USP15: variants seen among roughly 807,000 people sequenced by gnomAD.
The protein encoded by USP15 is ubiquitin carboxyl-terminal hydrolase 15.
USP15 carries 18 observed loss-of-function variants against 127.1 expected under a neutral mutation model. The ratio of observed to expected loss-of-function variants is 0.14; its 90% CI spans 0.10 to 0.21. The LOEUF (loss-of-function observed/expected upper bound fraction) is 0.21. Among genes scored for constraint, USP15 ranks in the 10% least tolerant of loss-of-function variants. The pLI is 1.00. For missense variants in USP15, 805 were observed against 1,159.9 expected, an observed-to-expected ratio of 0.69 and a Z score of 4.44; for synonymous variants, 364 against 393.7, an observed-to-expected ratio of 0.92 and a Z score of 0.89.
intron 6 of USP15, among the ~76,000 whole-genome samples, chr12:62,333,596 T>C (rs1419784832): frequency 6.6e-6 from 1 of 152,164 alleles, no homozygotes; most frequent in Non-Finnish European, 1.5e-5. Context: ...CCAGCTGTTA[T>C]CTTTTTAAAA....
At chr12:62,364,773 C>T (rs986199843) in intron 8 of USP15, among the ~76,000 whole-genome samples, 1 of 151,964 alleles carries the variant, frequency 6.6e-6, no homozygotes, top group African/African-American at 2.4e-5. Flanking sequence ...CATGTGTTCT[C>T]ATTTTTCAAC....
intron 4 of USP15, chr12:62,315,159 GT>G: frequency 3.8e-6 from 1 of 261,848 alleles, no homozygotes; most frequent in Non-Finnish European, 7.0e-6. Context: ...AATAATTATT[GT>G]TTTTATTTAG....
At chr12:62,265,407 T>C (rs1269312677) in intron 1 of USP15, among the ~76,000 whole-genome samples, 1 of 152,198 alleles carries the variant, frequency 6.6e-6, no homozygotes, top group Non-Finnish European at 1.5e-5. Context: ...TGGGAATCGG[T>C]GTTATTCACA....
At chr12:62,369,332 A>C (rs1428036716) in intron 8 of USP15, among the ~76,000 whole-genome samples, 1 of 152,234 alleles carries the variant, frequency 6.6e-6, no homozygotes, top group Non-Finnish European at 1.5e-5. Context: ...AAATTAAAAC[A>C]TTATAGCTTA....
intron 3 of USP15, chr12:62,304,766 A>T (rs1565836873): frequency 2.2e-6 from 1 of 450,122 alleles, no homozygotes; most frequent in Non-Finnish European, 4.5e-6. Flanking sequence ...GACAATAGAA[A>T]CAGACCCATA....
rs1350626458 is a variant in USP15, at chr12:62,302,888, T to C, written c.316T>C (p.Leu106=). 6.2e-7 allele frequency: 1 copy of C among 1,612,734 alleles called. No homozygotes were observed. The highest frequency in any genetic ancestry group is 1.3e-5 in the African/African-American group (1 of 74,868). ...GWNKLVSWYT[L]MEGQEPIARK... ...GAATAAACTTGTCAGCTGGTACACATTGATGGAAGGTCAAGAGCCAATAGC... is the reference window on the plus strand; with the variant it reads ...GAATAAACTTGTCAGCTGGTACACACTGATGGAAGGTCAAGAGCCAATAGC... The change falls in exon 3 of 22, where the codon TTG becomes CTG. Residue 106 remains leucine, a synonymous_variant. Transcript: ENST00000280377.
At chr12:62,278,400 GT>G (rs1400106241) in intron 1 of USP15, among the ~76,000 whole-genome samples, 1 of 152,092 alleles carries the variant, frequency 6.6e-6, no homozygotes, top group East Asian at 1.9e-4. Context: ...CATAACAGTT[GT>G]TTATTATTGT....
intron 9 of USP15, among the ~76,000 whole-genome samples, chr12:62,383,234 G>T (rs75712157): frequency 1.0e-3 from 159 of 151,910 alleles, no homozygotes; most frequent in African/African-American, 3.6e-3. Context: ...GAAACTATAG[G>T]GTTTGATTCC....
intron 7 of USP15, among the ~76,000 whole-genome samples, chr12:62,352,729 T>G (rs1302824569): frequency 6.6e-6 from 1 of 152,008 alleles, no homozygotes; most frequent in East Asian, 1.9e-4. Flanking sequence ...ATGGGCATAA[T>G]TATAGTTTTG....
chr12:62,340,043 A>G (rs1219158715), intron 6 of USP15, among the ~76,000 whole-genome samples: 1 of 152,102 alleles, frequency 6.6e-6, no homozygotes, highest in Non-Finnish European at 1.5e-5. Flanking sequence ...TAGGCTATTG[A>G]TTACTGCCTC....
chr12:62,333,459 G>A (rs1355162135), intron 6 of USP15, among the ~76,000 whole-genome samples: 3 of 151,766 alleles, frequency 2.0e-5, no homozygotes, highest in East Asian at 3.9e-4. Flanking sequence ...TCTTTTGTTT[G>A]TTTGTTTTGT....
At chr12:62,293,470 C>T (rs2064035427) in intron 1 of USP15, among the ~76,000 whole-genome samples, 1 of 152,140 alleles carries the variant, frequency 6.6e-6, no homozygotes, top group South Asian at 2.1e-4. Flanking sequence ...AATTCTCCTG[C>T]CTCAGCCTCT....
chr12:62,334,913 C>T (rs1008546496), intron 6 of USP15, among the ~76,000 whole-genome samples: 6 of 152,072 alleles, frequency 3.9e-5, no homozygotes, highest in African/African-American at 1.4e-4. Flanking sequence ...CCTTGAATTG[C>T]ATGTTTTTAG....
chr12:62,404,505 A>G lies in USP15; in HGVS notation c.*130A>G, dbSNP rs561251546. The stretch of plus-strand genomic sequence containing the variant: ...TCAGATAACCGAATGTAAATCCTTT[A>G]TCAGATTTTAACTTGTGCAGTACTT... On this transcript the variant is annotated 3_prime_UTR_variant, in exon 22 of 22. Coordinates refer to ENST00000280377, the MANE Select transcript of USP15 (RefSeq NM_001252078.2). 172 of 1,328,958 alleles carry G rather than the reference A, an allele frequency of 1.3e-4. 2 individuals are homozygous for G. The South Asian group carries it at 3.0e-3, about 23-fold the overall frequency. The allele number at this position is 1,328,958 out of a possible 1,614,324, so 82.3% of individuals were successfully genotyped here.
At position 62,413,421 on chromosome 12, in the gene USP15, A is replaced by G. The variant is rs1286837947; in HGVS notation, c.*9046A>G. ...AAAGTCCTGGATGACATCTTCCAACATAAGACTTTCATCTACATTGAAAGT... is the reference window on the plus strand; with the variant it reads ...AAAGTCCTGGATGACATCTTCCAACGTAAGACTTTCATCTACATTGAAAGT... On this transcript the variant is annotated 3_prime_UTR_variant, in exon 22 of 22. Transcript: ENST00000280377. 3 of 152,234 alleles carry G rather than the reference A, an allele frequency of 2.0e-5. No individual in the cohort carries two copies. Among genetic ancestry groups the G allele is most frequent in the Non-Finnish European group, 4.4e-5 (3 of 68,040 alleles). 9.4% of individuals were successfully genotyped at this position (152,234 alleles called of 1,614,324 possible). A position where few individuals can be genotyped will look rare whatever the true frequency, so the allele number is the denominator to read the frequency against.
intron 6 of USP15, among the ~76,000 whole-genome samples, chr12:62,326,741 T>G (rs376314959): frequency 6.6e-6 from 1 of 152,192 alleles, no homozygotes; most frequent in East Asian, 1.9e-4. Context: ...ACATATATTT[T>G]GAAATTCTTA....
At position 62,326,052 on chromosome 12, in the gene USP15, A is replaced by G. The variant is rs1381128294; in HGVS notation, c.683+119A>G. 1.2e-5 allele frequency: 10 copies of G among 803,652 alleles called. No individual in the cohort carries two copies. The South Asian group carries it at 1.9e-4, about 16-fold the overall frequency. 49.8% of individuals were successfully genotyped at this position (803,652 alleles called of 1,614,324 possible). ...TATTGCAGAAATTCATGCCTTGTTT[A>G]TATTTGAGTATTTTGTTCTTAGTAT... On this transcript the variant is annotated intron_variant, in intron 6 of 21. Coordinates refer to ENST00000280377, the MANE Select transcript of USP15 (RefSeq NM_001252078.2).
intron 3 of USP15, 68 bp from the exon 4 acceptor site, chr12:62,314,722 A>G (rs2137251688): frequency 7.5e-7 from 1 of 1,332,622 alleles, no homozygotes; most frequent in Non-Finnish European, 9.7e-7. Flanking sequence ...GTCTCTTTAA[A>G]TGTATTGTTA....
At chr12:62,373,543 G>T (rs1290482236) in intron 8 of USP15, among the ~76,000 whole-genome samples, 5 of 151,938 alleles carry the variant, frequency 3.3e-5, no homozygotes, top group Non-Finnish European at 4.4e-5. Flanking sequence ...TCCTTGTCCA[G>T]TTCAAAAACC....
Sources: gnomAD v4.1 joint callset for allele counts (sites outside exome capture counted in the v4.1 genomes callset) on GRCh38, gnomAD v4.1.1 for gene constraint, MANE v1.5 for transcripts, NCBI Gene and HGNC (gene_info 2026-07-23, HGNC 2026-07-21) for gene names.